CYP2C8: variants seen among roughly 807,000 people sequenced by gnomAD.
CYP2C8 encodes cytochrome P450 2C8.
Under a neutral mutation model 41.3 loss-of-function variants are expected in CYP2C8, and 51 were observed. That is an observed-to-expected ratio of 1.24 (90% CI 0.99 to 1.56). CYP2C8 has a LOEUF of 1.56. Ranked by LOEUF, CYP2C8 falls within the 40% of genes most tolerant of loss-of-function variation. CYP2C8 has a pLI of 0.00. For missense variants in CYP2C8, 651 were observed against 579.9 expected (o/e 1.12, Z -1.26); for synonymous variants, 218 against 205.8 (o/e 1.06, Z -0.51).
intron 5 of CYP2C8, among the ~76,000 whole-genome samples, chr10:95,051,254 C>CAGCAG (rs1312769532): frequency 6.6e-6 from 1 of 151,912 alleles, no homozygotes; most frequent in East Asian, 1.9e-4. Context: ...AGAATTGATT[C>CAGCAG]AGCAGAAGAA....
intron 5 of CYP2C8, among the ~76,000 whole-genome samples, chr10:95,054,728 G>A (rs1426542581): frequency 6.6e-6 from 1 of 152,066 alleles, no homozygotes; most frequent in Non-Finnish European, 1.5e-5. Context: ...TGTAAGATTG[G>A]TCCAGATATC....
intron 1 of CYP2C8, among the ~76,000 whole-genome samples, 155 bp from the exon 2 acceptor site, chr10:95,067,846 G>A (rs1470901871): frequency 1.3e-5 from 2 of 152,206 alleles, no homozygotes; most frequent in African/African-American, 4.8e-5. Flanking sequence ...ATGTGATGGT[G>A]ATTGTTATAG....
Position 95,067,681 on chromosome 10 carries a change from A to C in CYP2C8, c.179T>G (p.Val60Gly). 1 of 1,614,170 alleles carries C rather than the reference A, an allele frequency of 6.2e-7. No homozygotes were observed. ...ATACACGGTGAACACAGGACCATAG[A>C]CTTTTGAGAACTGGGAAAGGAAATG... is the stretch of plus-strand genomic sequence containing the variant. ...ICKSFTNFSK[V>G]YGPVFTVYFG... The change falls in exon 2 of 9, where the codon GTC becomes GGC. Residue 60 changes from valine (V) to glycine (G), a missense_variant. Val to Gly is a moderately radical substitution (Grantham distance 109). Coordinates refer to ENST00000371270, the MANE Select transcript of CYP2C8 (RefSeq NM_000770.3).
chr10:95,048,633 TG>T (rs2033154676), intron 5 of CYP2C8, among the ~76,000 whole-genome samples: 1 of 150,946 alleles, frequency 6.6e-6, no homozygotes, highest in African/African-American at 2.4e-5. Flanking sequence ...CCTTCCCAAA[TG>T]CTATGTTATT....
chr10:95,038,828 G>A lies in CYP2C8; in HGVS notation c.1291+69C>T, dbSNP rs895212370. The A allele has an allele frequency of 2.0e-6, 3 of 1,501,574 alleles. No homozygotes were observed. In the African/African-American group the frequency reaches 4.1e-5, roughly 21 times the overall value. The allele number at this position is 1,501,574 out of a possible 1,614,324, so 93.0% of individuals were successfully genotyped here. On this transcript the variant is annotated intron_variant, in intron 8 of 8. Coordinates refer to ENST00000371270, the MANE Select transcript of CYP2C8 (RefSeq NM_000770.3). ...CTACCAGCCCCAGAGGAGGTGCCAT[G>A]TAAATTCCAACTAATTCCAAAAAGT...
chr10:95,060,206 G>T (rs1286477792), intron 4 of CYP2C8, among the ~76,000 whole-genome samples: 17 of 151,746 alleles, frequency 1.1e-4, no homozygotes, highest in Non-Finnish European at 2.1e-4. Flanking sequence ...TGATGGGGAT[G>T]GCATTGAATC....
chr10:95,047,658 A>G (rs1160370690), intron 5 of CYP2C8, among the ~76,000 whole-genome samples: 1 of 152,214 alleles, frequency 6.6e-6, no homozygotes, highest in African/African-American at 2.4e-5. Context: ...AACTTGAGGC[A>G]TTAACTGCCT....
chr10:95,054,109 C>T lies in CYP2C8; in HGVS notation c.819+4226G>A, dbSNP rs117841468. On this transcript the variant is annotated intron_variant, in intron 5 of 8. Coordinates refer to ENST00000371270, the MANE Select transcript of CYP2C8 (RefSeq NM_000770.3). ...TACTTTTACTACTGCTATTCAGCAT[C>T]GTTCTTAAGGTCCCAGCCAAAACAA... Among the ~76,000 whole-genome samples the T allele has an allele frequency of 1.5e-4, 23 of 152,010 alleles. No homozygotes were observed. The South Asian group carries it at 2.5e-3, about 17-fold the overall frequency.
chr10:95,061,334 A>G (rs2033424009), intron 4 of CYP2C8, among the ~76,000 whole-genome samples: 1 of 152,174 alleles, frequency 6.6e-6, no homozygotes, highest in Admixed American at 6.5e-5. Context: ...TTATTGGTCT[A>G]TTCAGAGATT....
Position 95,063,095 on chromosome 10 carries a change from G to A in CYP2C8, c.642+1705C>T, listed in dbSNP as rs533141242. Among the ~76,000 whole-genome samples the A allele has an allele frequency of 2.7e-4, 41 of 152,188 alleles. No homozygotes were observed. The South Asian group carries it at 6.4e-3, about 24-fold the overall frequency. The stretch of plus-strand genomic sequence containing the variant: ...CATTTTTTCCTTCATTTCAACTTTG[G>A]TGAATCTGACAATTATGTGTCTTGG... On this transcript the variant is annotated intron_variant, in intron 4 of 8. Transcript: ENST00000371270.
At chr10:95,037,743 C>T (rs1934952) in intron 8 of CYP2C8, among the ~76,000 whole-genome samples, 46,834 of 152,048 alleles carry the variant, frequency 0.31, 7,437 homozygotes, top group Non-Finnish European at 0.34. Context: ...ATAATCTGTT[C>T]TCAGCTCTGG....
intron 8 of CYP2C8, among the ~76,000 whole-genome samples, chr10:95,037,972 T>G (rs1289883620): frequency 6.6e-6 from 1 of 152,230 alleles, no homozygotes; most frequent in Non-Finnish European, 1.5e-5. Context: ...AAGCACAGAT[T>G]ACCAGGAATC....
intron 5 of CYP2C8, among the ~76,000 whole-genome samples, chr10:95,048,458 A>G (rs1324438412): frequency 6.6e-6 from 1 of 152,204 alleles, no homozygotes; most frequent in Non-Finnish European, 1.5e-5. Flanking sequence ...AGAGAGTGAC[A>G]TAGACTTTGT....
At chr10:95,047,806 C>T (rs2033138661) in intron 5 of CYP2C8, among the ~76,000 whole-genome samples, 1 of 152,112 alleles carries the variant, frequency 6.6e-6, no homozygotes, top group Admixed American at 6.5e-5. Flanking sequence ...ACTCCACCCC[C>T]CTCAAAAAAA....
intron 4 of CYP2C8, among the ~76,000 whole-genome samples, chr10:95,058,814 C>T (rs2033363764): frequency 6.6e-6 from 1 of 151,862 alleles, no homozygotes; most frequent in South Asian, 2.1e-4. Context: ...ACACAACAGA[C>T]CCCAGTGTGT....
chr10:95,062,514 TA>T (rs2033458369), intron 4 of CYP2C8, among the ~76,000 whole-genome samples: 1 of 152,200 alleles, frequency 6.6e-6, no homozygotes, highest in South Asian at 2.1e-4. Flanking sequence ...TCCTTCCCTT[TA>T]TTTTGAGCCT....
At chr10:95,059,096 A>G (rs992461416) in intron 4 of CYP2C8, among the ~76,000 whole-genome samples, 3 of 152,214 alleles carry the variant, frequency 2.0e-5, no homozygotes, top group Non-Finnish European at 4.4e-5. Context: ...TAGTGCCACA[A>G]TAAACATACG....
At chr10:95,063,136 G>A (rs2033476120) in intron 4 of CYP2C8, among the ~76,000 whole-genome samples, 1 of 152,144 alleles carries the variant, frequency 6.6e-6, no homozygotes, top group Non-Finnish European at 1.5e-5. Context: ...CTCTTCTCAA[G>A]GAGTATCTTT....
chr10:95,063,404 G>C (rs993424928), intron 4 of CYP2C8, among the ~76,000 whole-genome samples: 1 of 152,116 alleles, frequency 6.6e-6, no homozygotes, highest in African/African-American at 2.4e-5. Context: ...TTCAATCACT[G>C]ATACCCTTTC....
Sources: gnomAD v4.1 joint callset for allele counts (sites outside exome capture counted in the v4.1 genomes callset) on GRCh38, gnomAD v4.1.1 for gene constraint, MANE v1.5 for transcripts, NCBI Gene and HGNC (gene_info 2026-07-23, HGNC 2026-07-21) for gene names.